Variants in CHP1 observed in about 807,000 individuals in gnomAD.
CHP1 encodes the protein calcineurin like EF-hand protein 1.
In CHP1, 11 loss-of-function variants were observed where a neutral mutation model predicts 27.4. That is an observed-to-expected ratio of 0.40 (90% CI 0.25 to 0.67). CHP1 has a LOEUF of 0.67. Ranked by LOEUF, CHP1 falls within the 30% of genes least tolerant of loss-of-function variation. The pLI is 0.38. For synonymous variants in CHP1, 89 were observed against 87.4 expected (o/e 1.02, Z -0.10); for missense variants, 169 against 251.3 (o/e 0.67, Z 2.22).
chr15:41,274,313 T>C (rs952465937), intron 5 of CHP1, among the ~76,000 whole-genome samples: 7 of 152,174 alleles, frequency 4.6e-5, no homozygotes, highest in Non-Finnish European at 8.8e-5. Context: ...GAGGGAGCAC[T>C]GAGCTGGGAA....
At chr15:41,250,894 A>G (rs1024314884) in intron 2 of CHP1, among the ~76,000 whole-genome samples, 3 of 151,882 alleles carry the variant, frequency 2.0e-5, no homozygotes, top group Non-Finnish European at 2.9e-5. Context: ...CAGAGGCACA[A>G]TCTCGGCTCA....
Position 41,256,884 on chromosome 15 carries a change from C to G in CHP1, c.141-26C>G, listed in dbSNP as rs778832686. The stretch of plus-strand genomic sequence containing the variant: ...TCATGCTAAGGGCAATGATCTCTAT[C>G]TAACTCAAGGTGATTCTCTTGGCAG... On this transcript the variant is annotated intron_variant, in intron 2 of 6. Transcript: ENST00000334660. 5 of 1,605,072 alleles carry G rather than the reference C, an allele frequency of 3.1e-6. No homozygotes were observed. The South Asian group carries it at 5.5e-5, about 18-fold the overall frequency.
chr15:41,245,003 A>T (rs1182885345), intron 2 of CHP1, among the ~76,000 whole-genome samples: 1 of 152,114 alleles, frequency 6.6e-6, no homozygotes, highest in Non-Finnish European at 1.5e-5. Flanking sequence ...CTTTGGACGT[A>T]ATCATCACCC....
chr15:41,255,181 T>G (rs1259253022), intron 2 of CHP1, among the ~76,000 whole-genome samples: 1 of 152,174 alleles, frequency 6.6e-6, no homozygotes, highest in Non-Finnish European at 1.5e-5. Context: ...TTATAGCAGT[T>G]TTTTTCCTAG....
chr15:41,260,222 ATAAAT>A (rs1484157521), intron 3 of CHP1, among the ~76,000 whole-genome samples: 1 of 151,806 alleles, frequency 6.6e-6, no homozygotes, highest in African/African-American at 2.4e-5. Flanking sequence ...CCTTAGATAA[ATAAAT>A]TATATTATGT....
rs1263653258 is a variant in CHP1, at chr15:41,281,541, G to A, written c.*2152G>A. 6.6e-6 allele frequency: 1 copy of A among 152,648 alleles called. No homozygotes were observed. Among genetic ancestry groups the A allele is most frequent in the Non-Finnish European group, 1.5e-5 (1 of 68,052 alleles). The allele number at this position is 152,648 out of a possible 1,614,324, so 9.5% of individuals were successfully genotyped here. A position where few individuals can be genotyped will look rare whatever the true frequency, so the allele number is the denominator to read the frequency against. ...TTCCTTGCTTTGGAAAACTATTGAA[G>A]ATTGCTAAAAAATACCACTGCAAAG... On this transcript the variant is annotated 3_prime_UTR_variant, in exon 7 of 7. Transcript: ENST00000334660.
Position 41,278,854 on chromosome 15 carries a change from G to A in CHP1, c.499G>A (p.Gly167Arg). The A allele has an allele frequency of 6.2e-7, 1 of 1,614,176 alleles. No individual in the cohort carries two copies. Among genetic ancestry groups the A allele is most frequent in the Non-Finnish European group, 8.5e-7 (1 of 1,180,020 alleles). Residue 167 changes from glycine (G) to arginine (R), a missense_variant, in exon 6 of 7, where the codon GGG (glycine) becomes AGG (arginine). Physicochemically the swap from Gly to Arg is moderately radical, Grantham distance 125 (BLOSUM62 -2). Coordinates refer to ENST00000334660, the MANE Select transcript of CHP1 (RefSeq NM_007236.5). ...GACCATTCAGGAGGCTGATCAGGATGGGGACAGTGCCATATCTTTCACAGA... is the reference window on the plus strand; with the variant it reads ...GACCATTCAGGAGGCTGATCAGGATAGGGACAGTGCCATATCTTTCACAGA... Reference protein sequence around the residue: ...DRTIQEADQDGDSAISFTEFV... With the variant: ...DRTIQEADQDRDSAISFTEFV...
In CHP1 at chr15:41,239,655, C is replaced by G. The variant is rs975144015; in HGVS notation, c.68-4012C>G. ...AGGTGATCTGCCCGCCCTCAGCCCC[C>G]CAAAGTGCTGGTATTGCAGGCTTGA... On this transcript the variant is annotated intron_variant, in intron 1 of 6. Coordinates refer to ENST00000334660, the MANE Select transcript of CHP1 (RefSeq NM_007236.5). Among the ~76,000 whole-genome samples, 7 of 152,238 alleles carry G rather than the reference C, an allele frequency of 4.6e-5. No individual in the cohort carries two copies. The South Asian group carries it at 8.3e-4, about 18-fold the overall frequency.
chr15:41,272,777 A>T (rs966104240), intron 5 of CHP1, among the ~76,000 whole-genome samples: 2 of 150,842 alleles, frequency 1.3e-5, no homozygotes, highest in Non-Finnish European at 3.0e-5. Flanking sequence ...GGCCAGGCGC[A>T]GTGGCTCATG....
At chr15:41,264,831 A>G (rs1190124001) in intron 4 of CHP1, among the ~76,000 whole-genome samples, 1 of 152,232 alleles carries the variant, frequency 6.6e-6, no homozygotes, top group Non-Finnish European at 1.5e-5. Context: ...GTTGCAGTCT[A>G]TGTATAGGGA....
chr15:41,269,813 T>A (rs2047479862), intron 4 of CHP1, among the ~76,000 whole-genome samples: 1 of 152,150 alleles, frequency 6.6e-6, no homozygotes, highest in Admixed American at 6.5e-5. Flanking sequence ...AATTCAGTTG[T>A]GGGACAAGAC....
chr15:41,262,321 A>G (rs1161484069), intron 3 of CHP1, among the ~76,000 whole-genome samples: 9 of 152,202 alleles, frequency 5.9e-5, no homozygotes, highest in Admixed American at 5.9e-4. Context: ...CCCTTGGTAT[A>G]CATTACTGCA....
At chr15:41,260,477 C>G (rs1395928418) in intron 3 of CHP1, among the ~76,000 whole-genome samples, 4 of 150,646 alleles carry the variant, frequency 2.7e-5, no homozygotes, top group African/African-American at 9.8e-5. Flanking sequence ...TCATTGCACC[C>G]TCCATCTTTG....
intron 4 of CHP1, among the ~76,000 whole-genome samples, chr15:41,265,561 A>C (rs2056802649): frequency 6.8e-6 from 1 of 146,316 alleles, no homozygotes; most frequent in Non-Finnish European, 1.6e-5. Context: ...AATACAAAAA[A>C]TTAGCTGGGC....
intron 1 of CHP1, among the ~76,000 whole-genome samples, chr15:41,235,881 A>C (rs2047274336): frequency 6.6e-6 from 1 of 152,206 alleles, no homozygotes; most frequent in African/African-American, 2.4e-5. Flanking sequence ...TCAGAAAACC[A>C]GGCTGTCTTC....
In CHP1 at chr15:41,279,497, T is replaced by A; in HGVS notation, c.*108T>A. The stretch of plus-strand genomic sequence containing the variant: ...CCTCATTCCCCTTCTCCCAAAGTAC[T>A]ACTGCTGTTGCATGACAACCCCAAA... On this transcript the variant is annotated 3_prime_UTR_variant, in exon 7 of 7. Coordinates refer to ENST00000334660, the MANE Select transcript of CHP1 (RefSeq NM_007236.5). The A allele has an allele frequency of 1.1e-6, 1 of 910,294 alleles. No individual in the cohort carries two copies. The highest frequency in any genetic ancestry group is 1.8e-6 in the Non-Finnish European group (1 of 570,648). The allele number at this position is 910,294 out of a possible 1,614,324, so 56.4% of individuals were successfully genotyped here.
Position 41,243,647 on chromosome 15 carries a change from A to T in CHP1, c.68-20A>T. On this transcript the variant is annotated intron_variant, in intron 1 of 6. Transcript: ENST00000334660. Reference sequence around the variant, plus strand: ...TGAGGGCTACTTCCCCCGAGCTGGGACTAATTTTGTGCTCTTTAGTTTCCC... The same window carrying T: ...TGAGGGCTACTTCCCCCGAGCTGGGTCTAATTTTGTGCTCTTTAGTTTCCC... The T allele has an allele frequency of 6.2e-7, 1 of 1,612,396 alleles. No individual in the cohort carries two copies. Among genetic ancestry groups the T allele is most frequent in the East Asian group, 2.2e-5 (1 of 44,860 alleles).
chr15:41,246,326 C>T (rs58819307), intron 2 of CHP1, among the ~76,000 whole-genome samples: 18,490 of 145,930 alleles, frequency 0.13, 1,282 homozygotes, highest in South Asian at 0.27. Context: ...TGAGCTGTTT[C>T]TTTTTTTTTT....
chr15:41,254,061 T>C (rs2047386097), intron 2 of CHP1, among the ~76,000 whole-genome samples: 1 of 152,120 alleles, frequency 6.6e-6, no homozygotes, highest in Non-Finnish European at 1.5e-5. Flanking sequence ...CCAAAAGTGC[T>C]GGGATTATAG....
Sources: gnomAD v4.1 joint callset for allele counts (sites outside exome capture counted in the v4.1 genomes callset) on GRCh38, gnomAD v4.1.1 for gene constraint, MANE v1.5 for transcripts, NCBI Gene and HGNC (gene_info 2026-07-23, HGNC 2026-07-21) for gene names.